Variants in CYP24A1 observed in about 807,000 individuals in gnomAD.
The protein encoded by CYP24A1 is 1,25-dihydroxyvitamin D(3) 24-hydroxylase, mitochondrial.
Under a neutral mutation model 62.4 loss-of-function variants are expected in CYP24A1, and 68 were observed. The ratio of observed to expected loss-of-function variants is 1.09; its 90% confidence interval spans 0.90 to 1.33. CYP24A1 has a LOEUF of 1.33. CYP24A1 is among the 40% of genes most tolerant of loss of function. CYP24A1 has a pLI of 0.00. For missense variants in CYP24A1, 787 were observed against 653.0 expected, an observed-to-expected ratio of 1.21 and a Z score of -2.24; for synonymous variants, 267 against 253.0, an observed-to-expected ratio of 1.06 and a Z score of -0.52.
chr20:54,166,952 T>A (rs769963603), intron 4 of CYP24A1, among the ~76,000 whole-genome samples: 1 of 151,908 alleles, frequency 6.6e-6, no homozygotes, highest in Non-Finnish European at 1.5e-5. Flanking sequence ...GGTGGGAAGA[T>A]CTCTTGGGCC....
intron 7 of CYP24A1, among the ~76,000 whole-genome samples, chr20:54,159,390 A>G (rs550212112): frequency 4.7e-4 from 68 of 146,158 alleles, no homozygotes; most frequent in Non-Finnish European, 8.6e-4. Flanking sequence ...TAGAACATTT[A>G]AATACAGTTT....
chr20:54,161,525 C>T (rs1022024881), intron 7 of CYP24A1, among the ~76,000 whole-genome samples: 1 of 152,114 alleles, frequency 6.6e-6, no homozygotes, highest in Non-Finnish European at 1.5e-5. Flanking sequence ...CCCAGGCATA[C>T]AGTAGGCACT....
the CYP24A1 span, among the ~76,000 whole-genome samples, chr20:54,148,369 GACACACACACACAC>G: frequency 3.0e-5 from 4 of 133,374 alleles, no homozygotes; most frequent in African/African-American, 1.1e-4. Context: ...CAGACACACA[GACACACACACACAC>G]ACACACACAC....
chr20:54,164,508 A>C lies in CYP24A1; in HGVS notation c.788T>G (p.Leu263Arg). 6.2e-7 allele frequency: 1 copy of C among 1,614,104 alleles called. No individual in the cohort carries two copies. The highest frequency in any genetic ancestry group is 8.5e-7 in the Non-Finnish European group (1 of 1,180,008). ...GTGGTCCTGCCAGACCTTGGTGTTG[A>C]GGCTCTTGTGCAGCTCGACTGGAGT... ...MVTPVELHKS[L>R]NTKVWQDHTL... Residue 263 changes from leucine (L) to arginine (R), a missense_variant, in exon 6 of 12, where the codon CTC becomes CGC. Leu to Arg is a moderately radical substitution (Grantham distance 102). Coordinates refer to ENST00000216862, the MANE Select transcript of CYP24A1 (RefSeq NM_000782.5).
chr20:54,158,208 G>T (rs762996266), intron 8 of CYP24A1, 44 bp from the exon 9 acceptor site: 6 of 1,611,218 alleles, frequency 3.7e-6, no homozygotes, highest in Admixed American at 1.7e-5. Flanking sequence ...CACAGTCTAA[G>T]TTCTCTCTGA....
intron 2 of CYP24A1, among the ~76,000 whole-genome samples, chr20:54,172,148 A>C (rs2092696232): frequency 6.6e-6 from 1 of 152,206 alleles, no homozygotes; most frequent in African/African-American, 2.4e-5. Flanking sequence ...AATAACATAC[A>C]GTCAGAGAGT....
Position 54,165,823 on chromosome 20 carries a change from G to T in CYP24A1, c.651C>A (p.Leu217=). Residue 217 remains leucine (L), a synonymous_variant, in exon 5 of 12, where the codon CTC becomes CTA. Coordinates refer to ENST00000216862, the MANE Select transcript of CYP24A1 (RefSeq NM_000782.5). ...GCCCAAATCTCTTCTCATACAACAC[G>T]AGGCAGATACCTGTCATTTAAAATA... is the stretch of plus-strand genomic sequence containing the variant. The part of the protein sequence containing the change: ...LNKWSFESIC[L]VLYEKRFGLL... 1 of 1,399,344 alleles carries T rather than the reference G, an allele frequency of 7.1e-7. No homozygotes were observed. Among genetic ancestry groups the T allele is most frequent in the Non-Finnish European group, 1.0e-6 (1 of 983,756 alleles). 86.7% of individuals were successfully genotyped at this position (1,399,344 alleles called of 1,614,324 possible).
At chr20:54,148,383 C>G in the CYP24A1 span, among the ~76,000 whole-genome samples, 1 of 150,784 alleles carries the variant, frequency 6.6e-6, no homozygotes, top group African/African-American at 2.4e-5. Flanking sequence ...CACACACACA[C>G]ACACACACAC....
At chr20:54,150,577 C>T (rs543821587), downstream of CYP24A1, among the ~76,000 whole-genome samples, 62 of 152,256 alleles carry the variant, frequency 4.1e-4, no homozygotes, top group Non-Finnish European at 3.4e-4. Flanking sequence ...CCATCGGCCT[C>T]GGCCTCCCAA....
At chr20:54,150,609 AG>A (rs2092611114), downstream of CYP24A1, among the ~76,000 whole-genome samples, 1 of 152,172 alleles carries the variant, frequency 6.6e-6, no homozygotes, top group South Asian at 2.1e-4. Flanking sequence ...TACAGGCATG[AG>A]CCACCGTGCC....
intron 3 of CYP24A1, among the ~76,000 whole-genome samples, chr20:54,171,079 C>G (rs897860596): frequency 1.3e-5 from 2 of 152,236 alleles, no homozygotes; most frequent in Non-Finnish European, 2.9e-5. Context: ...CAGAAGGCTA[C>G]TCTGTCTGCC....
chr20:54,145,917 C>G, the CYP24A1 span, among the ~76,000 whole-genome samples: 1 of 152,152 alleles, frequency 6.6e-6, no homozygotes, highest in East Asian at 1.9e-4. Context: ...AAAACTTGAA[C>G]AAATTGATTT....
rs138995807 is a variant in CYP24A1 at position 54,159,261 on chromosome 20, G to A, written c.991-138C>T. ...CTCTTTCACGCGTCCTTATAGCTAC[G>A]CCTTTAGACAAATCCAATATATAAA... is the stretch of plus-strand genomic sequence containing the variant. On this transcript the variant is annotated intron_variant, in intron 7 of 11. Coordinates refer to ENST00000216862, the MANE Select transcript of CYP24A1 (RefSeq NM_000782.5). 333 of 689,264 alleles carry A rather than the reference G, an allele frequency of 4.8e-4. No individual in the cohort carries two copies. In the African/African-American group the frequency reaches 5.6e-3, roughly 11 times the overall value. The allele number at this position is 689,264 out of a possible 1,614,324, so 42.7% of individuals were successfully genotyped here. A position where few individuals can be genotyped will look rare whatever the true frequency, so the allele number is the denominator to read the frequency against.
chr20:54,165,617 G>T (rs2092668829), intron 5 of CYP24A1, 125 bp downstream of exon 5: 1 of 730,490 alleles, frequency 1.4e-6, no homozygotes, highest in Non-Finnish European at 2.5e-6. Context: ...ACATTAAAAT[G>T]AACACTTAAC....
rs2092695108 is a variant in CYP24A1 at position 54,171,802 on chromosome 20, G to T, written c.450-132C>A. ...AGAATCATGCCAAGAAATAGCCAGA[G>T]AATATTAGCATCAGAATATTTGGGA... On this transcript the variant is annotated intron_variant, in intron 2 of 11. Transcript: ENST00000216862. 2.6e-6 allele frequency: 4 copies of T among 1,560,868 alleles called. No homozygotes were observed. The South Asian group carries it at 4.6e-5, about 18-fold the overall frequency.
chr20:54,151,413 G>T (rs564685476), downstream of CYP24A1, among the ~76,000 whole-genome samples: 12 of 152,050 alleles, frequency 7.9e-5, no homozygotes, highest in Middle Eastern at 3.4e-3. Context: ...CAACCCAATG[G>T]TCTAATCATG....
chr20:54,157,834 G>C (rs557200422), intron 9 of CYP24A1, among the ~76,000 whole-genome samples: 1 of 152,192 alleles, frequency 6.6e-6, no homozygotes, highest in South Asian at 2.1e-4. Flanking sequence ...TTTTACAGAC[G>C]AAGTTGAGGC....
chr20:54,145,639 CAA>C, the CYP24A1 span, among the ~76,000 whole-genome samples: 13,067 of 94,058 alleles, frequency 0.14, 561 homozygotes, highest in South Asian at 0.23. Flanking sequence ...GACTCTGTCT[CAA>C]AAAAAAAAAA....
downstream of CYP24A1, among the ~76,000 whole-genome samples, chr20:54,150,260 G>A (rs193132413): frequency 2.6e-5 from 4 of 152,274 alleles, no homozygotes; most frequent in East Asian, 1.9e-4. Flanking sequence ...TCCCCAGTGC[G>A]CTTTCTCGCT....
Sources: gnomAD v4.1 joint callset for allele counts (sites outside exome capture counted in the v4.1 genomes callset) on GRCh38, gnomAD v4.1.1 for gene constraint, MANE v1.5 for transcripts, NCBI Gene and HGNC (gene_info 2026-07-23, HGNC 2026-07-21) for gene names.